Variants in SEMA5A observed in about 807,000 individuals in gnomAD.
SEMA5A encodes semaphorin 5A.
SEMA5A carries 55 observed loss-of-function variants against 135.5 expected under a neutral mutation model. The observed-to-expected ratio is 0.41, with a 90% CI of 0.33 to 0.51. SEMA5A has a LOEUF of 0.51. SEMA5A is among the 20% of genes least tolerant of loss of function. SEMA5A has a pLI of 0.37. For synonymous variants in SEMA5A, 580 were observed against 546.5 expected (o/e 1.06, Z -0.85); for missense variants, 1,290 against 1,419.9 (o/e 0.91, Z 1.47).
chr5:9,540,699 T>C lies in SEMA5A; in HGVS notation c.-175+4885A>G, dbSNP rs548382162. 1.1e-4 allele frequency among the ~76,000 whole-genome samples: 17 copies of C among 152,256 alleles called. No individual in the cohort carries two copies. The South Asian group carries it at 2.9e-3, about 26-fold the overall frequency. ...AAGCCAGTTGTGATTCTAAAATCCA[T>C]TTGTTTACAGGATGCCCAACCATAA... On this transcript the variant is annotated intron_variant, in intron 1 of 22. Coordinates refer to ENST00000382496, the MANE Select transcript of SEMA5A (RefSeq NM_003966.3).
intron 1 of SEMA5A, among the ~76,000 whole-genome samples, chr5:9,531,749 A>G (rs1737452852): frequency 6.6e-6 from 1 of 152,192 alleles, no homozygotes; most frequent in Admixed American, 6.5e-5. Context: ...TCTAGCCTCT[A>G]CACACTGTCT....
chr5:9,148,928 C>A (rs1028641125), intron 12 of SEMA5A, among the ~76,000 whole-genome samples: 19 of 152,092 alleles, frequency 1.2e-4, no homozygotes, highest in African/African-American at 4.6e-4. Context: ...CCATGTTGGC[C>A]AGGCTGGTCT....
intron 16 of SEMA5A, among the ~76,000 whole-genome samples, chr5:9,073,227 T>C (rs1312393450): frequency 6.6e-6 from 1 of 152,140 alleles, no homozygotes; most frequent in Non-Finnish European, 1.5e-5. Flanking sequence ...ATTTAAGAAA[T>C]CAAACCCAAA....
chr5:9,479,736 C>T (rs1020388233), intron 1 of SEMA5A, among the ~76,000 whole-genome samples: 2 of 152,168 alleles, frequency 1.3e-5, no homozygotes, highest in Non-Finnish European at 2.9e-5. Flanking sequence ...GCTATTTCCC[C>T]ATCAAGAATC....
intron 8 of SEMA5A, among the ~76,000 whole-genome samples, chr5:9,205,219 T>G (rs1462986615): frequency 6.6e-6 from 1 of 152,152 alleles, no homozygotes; most frequent in African/African-American, 2.4e-5. Context: ...GGTAAGCAGG[T>G]TTACTGAGGA....
intron 4 of SEMA5A, among the ~76,000 whole-genome samples, chr5:9,336,868 A>C (rs893184966): frequency 6.6e-6 from 1 of 152,234 alleles, no homozygotes; most frequent in African/African-American, 2.4e-5. Flanking sequence ...TGGACAAAAA[A>C]TATAATGAAC....
chr5:9,100,099 G>A (rs17309469), intron 16 of SEMA5A, among the ~76,000 whole-genome samples: 11,267 of 152,226 alleles, frequency 0.074, 462 homozygotes, highest in South Asian at 0.16. Flanking sequence ...GCCTAATAAT[G>A]GGTATCCATG....
chr5:9,398,078 A>C (rs1396997924), intron 2 of SEMA5A, among the ~76,000 whole-genome samples: 1 of 152,220 alleles, frequency 6.6e-6, no homozygotes, highest in Non-Finnish European at 1.5e-5. Flanking sequence ...ACTTCTCTAC[A>C]GGAAATCCAA....
At chr5:9,370,885 G>T (rs1172983256) in intron 3 of SEMA5A, among the ~76,000 whole-genome samples, 1 of 152,130 alleles carries the variant, frequency 6.6e-6, no homozygotes, top group East Asian at 1.9e-4. Flanking sequence ...CTCTTCCTCT[G>T]TACATAAAAT....
At chr5:9,461,375 A>G (rs1759050964) in intron 1 of SEMA5A, among the ~76,000 whole-genome samples, 1 of 152,208 alleles carries the variant, frequency 6.6e-6, no homozygotes. Context: ...CTGACACCAA[A>G]TGGAAATGCT....
intron 12 of SEMA5A, among the ~76,000 whole-genome samples, chr5:9,149,013 C>G (rs569981338): frequency 4.1e-4 from 62 of 152,316 alleles, no homozygotes; most frequent in Admixed American, 2.0e-3. Context: ...AGCCACCATG[C>G]CCGGCTGCCC....
At position 9,382,887 on chromosome 5, in the gene SEMA5A, C is replaced by G. The variant is rs1805926; in HGVS notation, c.-77-2864G>C. ...GTCCTTAAGAATGGAAGGAATTCTACAACATTCCCATTGACCAAAACATTC... is the reference window on the plus strand; with the variant it reads ...GTCCTTAAGAATGGAAGGAATTCTAGAACATTCCCATTGACCAAAACATTC... On this transcript the variant is annotated intron_variant, in intron 2 of 22. Coordinates refer to ENST00000382496, the MANE Select transcript of SEMA5A (RefSeq NM_003966.3). Among the ~76,000 whole-genome samples, 439 of 152,336 alleles carry G rather than the reference C, an allele frequency of 2.9e-3. 3 individuals are homozygous for G. Among genetic ancestry groups the G allele is most frequent in the African/African-American group, 1.0e-2 (414 of 41,582 alleles).
chr5:9,069,370 A>G (rs1315470847), intron 16 of SEMA5A, among the ~76,000 whole-genome samples: 1 of 150,156 alleles, frequency 6.7e-6, no homozygotes. Flanking sequence ...TCCAGATTCT[A>G]CTTTTTAAAA....
chr5:9,535,933 C>G (rs1737741692), intron 1 of SEMA5A, among the ~76,000 whole-genome samples: 1 of 152,178 alleles, frequency 6.6e-6, no homozygotes, highest in South Asian at 2.1e-4. Flanking sequence ...GCCTGTCATA[C>G]TCAGAACTGA....
In SEMA5A at chr5:9,202,715, C is replaced by T. The variant is rs570236556; in HGVS notation, c.647-475G>A. 4.6e-5 allele frequency among the ~76,000 whole-genome samples: 7 copies of T among 152,088 alleles called. No individual in the cohort carries two copies. In the East Asian group the frequency reaches 7.7e-4, roughly 17 times the overall value. ...TGACTTATATACATTCCTGTGACTT[C>T]GACATAATGTATGTGCTTTTACTAA... On this transcript the variant is annotated intron_variant, in intron 8 of 22. Transcript: ENST00000382496.
chr5:9,542,018 T>G (rs992628241), intron 1 of SEMA5A, among the ~76,000 whole-genome samples: 1 of 152,252 alleles, frequency 6.6e-6, no homozygotes, highest in South Asian at 2.1e-4. Flanking sequence ...AGCAGGTTCA[T>G]TTATATTGAA....
intron 5 of SEMA5A, among the ~76,000 whole-genome samples, chr5:9,306,127 G>A (rs1324158808): frequency 2.6e-5 from 4 of 152,174 alleles, no homozygotes; most frequent in African/African-American, 9.7e-5. Flanking sequence ...GTGCTGGTGT[G>A]GTTATCTATT....
intron 5 of SEMA5A, among the ~76,000 whole-genome samples, chr5:9,254,259 GA>G (rs1748947361): frequency 6.6e-6 from 1 of 151,962 alleles, no homozygotes; most frequent in Admixed American, 6.6e-5. Context: ...AAAGGCAAGA[GA>G]AAAAAAGTAA....
chr5:9,155,731 C>T (rs1453375942), intron 11 of SEMA5A, among the ~76,000 whole-genome samples: 1 of 152,172 alleles, frequency 6.6e-6, no homozygotes, highest in East Asian at 1.9e-4. Context: ...TTCAAGGCCT[C>T]CTATCAAGCA....
Sources: gnomAD v4.1 joint callset for allele counts (sites outside exome capture counted in the v4.1 genomes callset) on GRCh38, gnomAD v4.1.1 for gene constraint, MANE v1.5 for transcripts, NCBI Gene and HGNC (gene_info 2026-07-23, HGNC 2026-07-21) for gene names.